Variants in FAM227B observed in about 807,000 individuals in gnomAD.
The protein encoded by FAM227B is family with sequence similarity 227 member B, also known as protein FAM227B.
In FAM227B, 88 loss-of-function variants were observed where a neutral mutation model predicts 73.8. That is an observed-to-expected ratio of 1.19 (90% CI 1.00 to 1.42). The LOEUF (loss-of-function observed/expected upper bound fraction) is 1.42. Ranked by LOEUF, FAM227B falls within the 40% of genes most tolerant of loss-of-function variation. FAM227B has a pLI of 0.00. For missense variants in FAM227B, 632 were observed against 590.9 expected (o/e 1.07, Z -0.72); for synonymous variants, 210 against 190.5 (o/e 1.10, Z -0.84).
At chr15:49,583,029 A>G (rs1183318111) in intron 5 of FAM227B, among the ~76,000 whole-genome samples, 1 of 152,176 alleles carries the variant, frequency 6.6e-6, no homozygotes, top group East Asian at 1.9e-4. Context: ...AAAGTTAAAA[A>G]GATCTGAAGT....
chr15:49,459,016 AAC>A (rs1266164985), intron 11 of FAM227B, among the ~76,000 whole-genome samples: 1 of 152,212 alleles, frequency 6.6e-6, no homozygotes, highest in Non-Finnish European at 1.5e-5. Flanking sequence ...TCTATTAAAA[AAC>A]ACACAAAATC....
intron 11 of FAM227B, among the ~76,000 whole-genome samples, chr15:49,416,642 TA>T (rs1414089104): frequency 7.2e-5 from 11 of 152,066 alleles, no homozygotes; most frequent in Non-Finnish European, 1.3e-4. Flanking sequence ...TTTGAATTGA[TA>T]AATAACTTTA....
At chr15:49,369,448 C>T (rs1446310089) in intron 12 of FAM227B, among the ~76,000 whole-genome samples, 6 of 151,920 alleles carry the variant, frequency 3.9e-5, no homozygotes, top group Non-Finnish European at 7.4e-5. Context: ...TCAACCTAGC[C>T]TAAATTCAAA....
chr15:49,506,787 C>G (rs1188793322), intron 11 of FAM227B, among the ~76,000 whole-genome samples: 3 of 151,736 alleles, frequency 2.0e-5, no homozygotes, highest in Non-Finnish European at 2.9e-5. Context: ...TATCTAAATA[C>G]AACACACTTA....
intron 10 of FAM227B, among the ~76,000 whole-genome samples, chr15:49,537,672 T>C (rs1489962850): frequency 6.6e-6 from 1 of 152,122 alleles, no homozygotes; most frequent in Non-Finnish European, 1.5e-5. Context: ...GCCTAAGTGC[T>C]TACTGATTGA....
intron 3 of FAM227B, among the ~76,000 whole-genome samples, chr15:49,598,345 T>A (rs144797067): frequency 6.6e-6 from 1 of 152,162 alleles, no homozygotes; most frequent in East Asian, 1.9e-4. Context: ...CATTCAGTAT[T>A]TCTAACAGTT....
chr15:49,518,983 T>C (rs1017816075), intron 10 of FAM227B, among the ~76,000 whole-genome samples: 1 of 152,224 alleles, frequency 6.6e-6, no homozygotes, highest in African/African-American at 2.4e-5. Flanking sequence ...AATTACTTCC[T>C]AGATAAAATG....
Position 49,367,612 on chromosome 15 carries a change from T to C in FAM227B, c.1111-4A>G. On this transcript the variant is annotated splice_region_variant and splice_polypyrimidine_tract_variant and intron_variant, in intron 12 of 15. Coordinates refer to ENST00000299338, the MANE Select transcript of FAM227B (RefSeq NM_152647.3). The stretch of plus-strand genomic sequence containing the variant: ...GACCAGTACTACTATAGTGCGACTG[T>C]AAGAGGAAGAAAATAATCAAGACAA... 3 of 1,540,548 alleles carry C rather than the reference T, an allele frequency of 1.9e-6. No individual in the cohort carries two copies. The highest frequency in any genetic ancestry group is 2.6e-6 in the Non-Finnish European group (3 of 1,157,024).
rs191033511 is a variant in FAM227B at position 49,342,177 on chromosome 15, T to C, written c.1272-6681A>G. On this transcript the variant is annotated intron_variant, in intron 13 of 15. Coordinates refer to ENST00000299338, the MANE Select transcript of FAM227B (RefSeq NM_152647.3). ...TTGTGTGACTATTTCTTTTTGTATGTGTAAAAGTAGTTGTTTTATGAATCT... is the reference window on the plus strand; with the variant it reads ...TTGTGTGACTATTTCTTTTTGTATGCGTAAAAGTAGTTGTTTTATGAATCT... 9.8e-5 allele frequency among the ~76,000 whole-genome samples: 15 copies of C among 152,342 alleles called. 1 individual carries two copies. The East Asian group carries it at 2.9e-3, about 29-fold the overall frequency.
intron 11 of FAM227B, among the ~76,000 whole-genome samples, chr15:49,483,815 T>C (rs1294347499): frequency 1.3e-5 from 2 of 152,086 alleles, no homozygotes; most frequent in Non-Finnish European, 2.9e-5. Flanking sequence ...ACAGGTTTAA[T>C]TGAATGAACA....
intron 2 of FAM227B, 152 bp downstream of exon 2, chr15:49,614,969 A>C: frequency 1.4e-6 from 1 of 704,356 alleles, no homozygotes; most frequent in South Asian, 1.6e-5. Context: ...CATCTCAGTG[A>C]TTGGCCATCT....
Position 49,372,061 on chromosome 15 carries a change from CTT to C in FAM227B, c.1013-664_1013-663del, listed in dbSNP as rs1335102070. Among the ~76,000 whole-genome samples the C allele has an allele frequency of 1.2e-4, 9 of 73,888 alleles. 1 individual carries two copies. The highest frequency in any genetic ancestry group is 4.4e-4 in the African/African-American group (9 of 20,488). The allele number at this position is 73,888 out of a possible 152,430, so 48.5% of individuals were successfully genotyped here. A position where few individuals can be genotyped will look rare whatever the true frequency, so the allele number is the denominator to read the frequency against. On this transcript the variant is annotated intron_variant, in intron 11 of 15. Coordinates refer to ENST00000299338, the MANE Select transcript of FAM227B (RefSeq NM_152647.3). Reference sequence around the variant, plus strand: ...TTATAAATCAATGAAATAAAATTCACTTATAAATCAATGAAATAAAATTCATT... The same window carrying C: ...TTATAAATCAATGAAATAAAATTCACATAAATCAATGAAATAAAATTCATT...
At chr15:49,540,254 T>G (rs1598029415) in intron 10 of FAM227B, among the ~76,000 whole-genome samples, 1 of 152,136 alleles carries the variant, frequency 6.6e-6, no homozygotes, top group Admixed American at 6.5e-5. Flanking sequence ...GTAGAAAAGG[T>G]TGCTAGGATC....
intron 3 of FAM227B, among the ~76,000 whole-genome samples, chr15:49,590,917 T>C (rs1034595640): frequency 6.6e-6 from 1 of 152,068 alleles, no homozygotes; most frequent in Non-Finnish European, 1.5e-5. Flanking sequence ...CATGCCACAG[T>C]TGCCTTTTTG....
At chr15:49,488,251 C>CT (rs1399244654) in intron 11 of FAM227B, 1 of 151,962 alleles carries the variant, frequency 6.6e-6, no homozygotes, top group Non-Finnish European at 1.5e-5. Flanking sequence ...TCATGTGTAA[C>CT]TATTTCAGCA....
intron 11 of FAM227B, among the ~76,000 whole-genome samples, chr15:49,413,644 A>G (rs2151697257): frequency 6.6e-6 from 1 of 152,240 alleles, no homozygotes; most frequent in East Asian, 1.9e-4. Flanking sequence ...AAAAGTTTTC[A>G]GAATGATTAT....
chr15:49,574,357 C>T lies in FAM227B; in HGVS notation c.645+654G>A, dbSNP rs77856206. On this transcript the variant is annotated intron_variant, in intron 8 of 15. Transcript: ENST00000299338. Reference sequence around the variant, plus strand: ...ATCTTGAATTGTAATCCCCACATGTCGAGGGAGGGACTGGGAGGGAGGTGA... The same window carrying T: ...ATCTTGAATTGTAATCCCCACATGTTGAGGGAGGGACTGGGAGGGAGGTGA... 2.6e-5 allele frequency among the ~76,000 whole-genome samples: 4 copies of T among 152,182 alleles called. No individual in the cohort carries two copies. In the East Asian group the frequency reaches 5.8e-4, roughly 22 times the overall value.
chr15:49,608,577 G>C (rs540736205), intron 3 of FAM227B, among the ~76,000 whole-genome samples: 59 of 151,994 alleles, frequency 3.9e-4, no homozygotes, highest in African/African-American at 1.4e-3. Context: ...ATTAAGCTTT[G>C]ATATAAGGAT....
intron 12 of FAM227B, among the ~76,000 whole-genome samples, chr15:49,368,946 G>T (rs974748786): frequency 6.6e-6 from 1 of 151,958 alleles, no homozygotes; most frequent in Non-Finnish European, 1.5e-5. Flanking sequence ...CCGTGGTGTT[G>T]TTTTTGTTTT....
Sources: gnomAD v4.1 joint callset for allele counts (sites outside exome capture counted in the v4.1 genomes callset) on GRCh38, gnomAD v4.1.1 for gene constraint, MANE v1.5 for transcripts, NCBI Gene and HGNC (gene_info 2026-07-23, HGNC 2026-07-21) for gene names.